RASSF4: variants seen among roughly 807,000 people sequenced by gnomAD.
The protein encoded by RASSF4 is ras association domain-containing protein 4.
A neutral mutation model predicts 41.1 loss-of-function variants in RASSF4; 38 were observed. The ratio of observed to expected loss-of-function variants is 0.92; its 90% CI spans 0.71 to 1.21. The LOEUF (loss-of-function observed/expected upper bound fraction) is 1.21, where lower values mean the gene tolerates loss of function less well. RASSF4 is among the 50% of genes most tolerant of loss of function. The pLI is 0.00. For synonymous variants in RASSF4, 179 were observed against 163.4 expected, an observed-to-expected ratio of 1.10 and a Z score of -0.73; for missense variants, 414 against 419.4, an observed-to-expected ratio of 0.99 and a Z score of 0.11.
chr10:44,960,083 C>T (rs1184150718), intron 1 of RASSF4, among the ~76,000 whole-genome samples: 3 of 152,226 alleles, frequency 2.0e-5, no homozygotes, highest in Non-Finnish European at 4.4e-5. Context: ...AATTTAGGGG[C>T]TACAACCTGA....
intron 3 of RASSF4, among the ~76,000 whole-genome samples, chr10:44,972,921 G>A (rs1173131081): frequency 6.6e-6 from 1 of 152,156 alleles, no homozygotes; most frequent in Non-Finnish European, 1.5e-5. Flanking sequence ...GGGCAGCTGG[G>A]GATTGCCAGA....
At chr10:44,982,465 C>T in intron 3 of RASSF4, 56 bp from the exon 4 acceptor site, 3 of 1,596,890 alleles carry the variant, frequency 1.9e-6, no homozygotes, top group Non-Finnish European at 2.6e-6. Flanking sequence ...CCCTAGGGGG[C>T]ACAGGGAAGG....
intron 1 of RASSF4, among the ~76,000 whole-genome samples, chr10:44,964,327 C>G (rs548458190): frequency 8.8e-4 from 134 of 152,366 alleles, no homozygotes; most frequent in Non-Finnish European, 1.5e-3. Flanking sequence ...AGAGTGTCCT[C>G]CAGCCTGGGA....
chr10:44,984,320 G>A, intron 5 of RASSF4: 1 of 593,408 alleles, frequency 1.7e-6, no homozygotes, highest in Admixed American at 3.1e-5. Context: ...GCAGAGGCTT[G>A]GGAGGTGACA....
At chr10:44,964,194 G>A (rs1327127694) in intron 1 of RASSF4, among the ~76,000 whole-genome samples, 2 of 152,258 alleles carry the variant, frequency 1.3e-5, no homozygotes, top group Non-Finnish European at 2.9e-5. Context: ...CTGCTGAAGT[G>A]GAAAGGGAGA....
intron 3 of RASSF4, chr10:44,977,934 G>T (rs780577877): frequency 6.2e-7 from 1 of 1,612,570 alleles, no homozygotes; most frequent in South Asian, 1.1e-5. Context: ...CTAGGAGAGG[G>T]TGGGGGCTCC....
intron 6 of RASSF4, among the ~76,000 whole-genome samples, chr10:44,987,122 T>C (rs531540137): frequency 6.6e-6 from 1 of 152,312 alleles, no homozygotes; most frequent in African/African-American, 2.4e-5. Context: ...CTTTTTTTAT[T>C]TGAGATGGAG....
intron 1 of RASSF4, among the ~76,000 whole-genome samples, chr10:44,964,065 T>C (rs1840809238): frequency 6.6e-6 from 1 of 152,252 alleles, no homozygotes; most frequent in South Asian, 2.1e-4. Context: ...TGTAATAACT[T>C]TCCCCACAAA....
chr10:44,964,889 G>T (rs1207285314), intron 1 of RASSF4, among the ~76,000 whole-genome samples: 1 of 152,174 alleles, frequency 6.6e-6, no homozygotes, highest in African/African-American at 2.4e-5. Context: ...CAAAATGAAT[G>T]AAAGTCTGGT....
At chr10:44,977,468 G>A (rs1841487494) in intron 3 of RASSF4, 1 of 1,612,448 alleles carries the variant, frequency 6.2e-7, no homozygotes, top group Non-Finnish European at 8.5e-7. Flanking sequence ...GTGGCGGGAG[G>A]CCATGGCTTG....
At chr10:44,984,298 A>C in intron 5 of RASSF4, 185 bp downstream of exon 5, 2 of 611,578 alleles carry the variant, frequency 3.3e-6, no homozygotes, top group Non-Finnish European at 2.8e-6. Flanking sequence ...GCTCCTTTTT[A>C]TGGAAAAGTG....
At chr10:44,982,962 A>G (rs1422777007) in intron 4 of RASSF4, 17 of 652,172 alleles carry the variant, frequency 2.6e-5, no homozygotes, top group Non-Finnish European at 4.7e-5. Flanking sequence ...CCCAACACCT[A>G]TGCAAGCCGA....
chr10:44,986,538 C>T lies in RASSF4; in HGVS notation c.531+1568C>T, dbSNP rs1366504841. Among the ~76,000 whole-genome samples the T allele has an allele frequency of 2.6e-5, 4 of 152,234 alleles. No individual in the cohort carries two copies. In the East Asian group the frequency reaches 7.7e-4, roughly 29 times the overall value. Reference sequence around the variant, plus strand: ...ACAGATTTGCCCTTGCAATGTGAATCCATTCTTCCAGAAAAAAGTACTGCT... The same window carrying T: ...ACAGATTTGCCCTTGCAATGTGAATTCATTCTTCCAGAAAAAAGTACTGCT... On this transcript the variant is annotated intron_variant, in intron 6 of 10. Transcript: ENST00000340258.
At chr10:44,985,293 A>G (rs576979559) in intron 6 of RASSF4, among the ~76,000 whole-genome samples, 52 of 152,100 alleles carry the variant, frequency 3.4e-4, no homozygotes, top group African/African-American at 1.0e-3. Context: ...GATCCCTGGG[A>G]ACACTGTGTA....
intron 3 of RASSF4, among the ~76,000 whole-genome samples, chr10:44,973,115 G>C (rs1454167945): frequency 6.6e-6 from 1 of 152,150 alleles, no homozygotes; most frequent in South Asian, 2.1e-4. Context: ...CTGCCTCCTT[G>C]ACCTGCCCAG....
intron 3 of RASSF4, among the ~76,000 whole-genome samples, chr10:44,974,417 G>A (rs183122655): frequency 4.9e-4 from 75 of 152,370 alleles, no homozygotes; most frequent in Admixed American, 4.6e-4. Context: ...TAAATGAAAG[G>A]TGCTGGCCAT....
rs1841352491 is a variant in RASSF4, at chr10:44,975,109, CG to C, written c.138+3265del. ...CGCCTGGGGCGCGGCGCCGAGGCTC[CG>C]GGGCGCCCCCTGGTGACCGCGGGCG... On this transcript the variant is annotated intron_variant, in intron 3 of 10. Coordinates refer to ENST00000340258, the MANE Select transcript of RASSF4 (RefSeq NM_032023.4). Among the ~76,000 whole-genome samples, 5 of 152,244 alleles carry C rather than the reference CG, an allele frequency of 3.3e-5. No homozygotes were observed. In the South Asian group the frequency reaches 1.0e-3, roughly 32 times the overall value.
At chr10:44,990,162 G>A (rs560628348) in intron 8 of RASSF4, among the ~76,000 whole-genome samples, 8 of 152,270 alleles carry the variant, frequency 5.3e-5, no homozygotes, top group East Asian at 3.9e-4. Context: ...TGGCCCTCCC[G>A]TCTCAGCTTT....
intron 3 of RASSF4, among the ~76,000 whole-genome samples, chr10:44,972,358 G>A (rs1030060888): frequency 6.6e-6 from 1 of 152,238 alleles, no homozygotes; most frequent in Non-Finnish European, 1.5e-5. Flanking sequence ...GGCAGCGCAG[G>A]TGTGGGGAGT....
Sources: allele counts gnomAD v4.1 joint callset (sites outside exome capture counted in the v4.1 genomes callset), GRCh38; gene constraint gnomAD v4.1.1; transcripts MANE v1.5; gene names NCBI Gene and HGNC (gene_info 2026-07-23, HGNC 2026-07-21).